DNAJB6: variants seen among roughly 807,000 people sequenced by gnomAD.
The protein encoded by DNAJB6 is DnaJ heat shock protein family (Hsp40) member B6.
In DNAJB6, 16 loss-of-function variants were observed where a neutral mutation model predicts 42.7. The ratio of observed to expected loss-of-function variants is 0.37; its 90% CI spans 0.25 to 0.57. The LOEUF (loss-of-function observed/expected upper bound fraction) is 0.57, where lower values mean the gene tolerates loss of function less well. Among genes scored for constraint, DNAJB6 ranks in the 20% least tolerant of loss-of-function variants. The pLI, the probability that DNAJB6 is intolerant of heterozygous loss-of-function variation, is 0.74. For missense variants in DNAJB6, 347 were observed against 416.8 expected, an observed-to-expected ratio of 0.83 and a Z score of 1.46; for synonymous variants, 170 against 163.5, an observed-to-expected ratio of 1.04 and a Z score of -0.30.
In DNAJB6 at chr7:157,366,569, C is replaced by A. The variant is rs377327513; in HGVS notation, c.235+8C>A. 6.2e-7 allele frequency: 1 copy of A among 1,613,180 alleles called. No homozygotes were observed. Among genetic ancestry groups the A allele is most frequent in the African/African-American group, 1.3e-5 (1 of 74,986 alleles). On this transcript the variant is annotated splice_region_variant and intron_variant, in intron 4 of 9. Transcript: ENST00000262177. ...TAAATGGTGGAGGAGGAGGTAAGTA[C>A]GTGAGTTTTTTCTTTGAAGACAAAA...
chr7:157,360,299 T>G (rs1024521431), intron 2 of DNAJB6, among the ~76,000 whole-genome samples: 1 of 152,144 alleles, frequency 6.6e-6, no homozygotes, highest in African/African-American at 2.4e-5. Context: ...TTGTGAGGCT[T>G]ATTATCAGGA....
chr7:157,396,782 A>G (rs1801605405), intron 8 of DNAJB6, among the ~76,000 whole-genome samples: 1 of 152,174 alleles, frequency 6.6e-6, no homozygotes, highest in South Asian at 2.1e-4. Context: ...AAAGGGACCC[A>G]GTTCGGGGCA....
Position 157,416,216 on chromosome 7 carries a change from G to A in DNAJB6, c.*118G>A, listed in dbSNP as rs886062130. On this transcript the variant is annotated 3_prime_UTR_variant, in exon 10 of 10. Coordinates refer to ENST00000262177, the MANE Select transcript of DNAJB6 (RefSeq NM_058246.4). Reference sequence around the variant, plus strand: ...TCAGGACTGTCTCGAGGCCACACTCGCTCGGCAGGATTATGCGATCACGGA... The same window carrying A: ...TCAGGACTGTCTCGAGGCCACACTCACTCGGCAGGATTATGCGATCACGGA... The A allele has an allele frequency of 5.5e-6, 8 of 1,465,020 alleles. No homozygotes were observed. The highest frequency in any genetic ancestry group is 2.5e-5 in the South Asian group (2 of 79,776). The allele number at this position is 1,465,020 out of a possible 1,614,324, so 90.8% of individuals were successfully genotyped here. A position where few individuals can be genotyped will look rare whatever the true frequency, so the allele number is the denominator to read the frequency against.
At chr7:157,339,679 T>G (rs1798252092) in intron 1 of DNAJB6, 1 of 144,386 alleles carries the variant, frequency 6.9e-6, no homozygotes, top group African/African-American at 2.7e-5. Context: ...CCTGCTGGAG[T>G]ATAATGGCAC....
intron 9 of DNAJB6, chr7:157,412,232 G>A (rs1240286330): frequency 4.6e-5 from 7 of 152,188 alleles, no homozygotes; most frequent in Non-Finnish European, 8.8e-5. Flanking sequence ...AAATTGCAAA[G>A]CAGGGTGGTT....
intron 8 of DNAJB6, chr7:157,386,413 C>A: frequency 1.8e-6 from 1 of 565,604 alleles, no homozygotes; most frequent in Non-Finnish European, 2.2e-6. Context: ...GGATGCCGCA[C>A]CTCAGTTACA....
intron 8 of DNAJB6, chr7:157,386,372 T>A (rs2117097665): frequency 4.2e-6 from 4 of 945,448 alleles, no homozygotes; most frequent in African/African-American, 3.5e-5. Flanking sequence ...CTAGTGTCAC[T>A]TTAATAGCGT....
chr7:157,400,639 A>G (rs1247344703), intron 8 of DNAJB6, among the ~76,000 whole-genome samples: 1 of 152,184 alleles, frequency 6.6e-6, no homozygotes, highest in Non-Finnish European at 1.5e-5. Context: ...TCTCATCACC[A>G]GGCTCACCGC....
intron 5 of DNAJB6, among the ~76,000 whole-genome samples, chr7:157,374,266 T>C (rs548599345): frequency 6.6e-6 from 1 of 152,208 alleles, no homozygotes; most frequent in South Asian, 2.1e-4. Flanking sequence ...TTTGGAAGTA[T>C]CTCATTTTTT....
chr7:157,360,776 C>T (rs117134928), intron 2 of DNAJB6, among the ~76,000 whole-genome samples: 3,239 of 152,262 alleles, frequency 0.021, 46 homozygotes, highest in East Asian at 0.055. Flanking sequence ...TCTGTGGCTG[C>T]CACCTGTTCT....
chr7:157,396,179 C>T (rs1045988614), intron 8 of DNAJB6, among the ~76,000 whole-genome samples: 2 of 152,094 alleles, frequency 1.3e-5, no homozygotes, highest in East Asian at 3.9e-4. Context: ...AAAACCCTGA[C>T]CTCAGGCAAT....
At chr7:157,387,769 T>A (rs1435465821) in intron 8 of DNAJB6, among the ~76,000 whole-genome samples, 1 of 152,018 alleles carries the variant, frequency 6.6e-6, no homozygotes, top group African/African-American at 2.4e-5. Context: ...CTAAGGAATC[T>A]TTCTTGTGAA....
chr7:157,410,832 C>G (rs1795947262), intron 9 of DNAJB6: 3 of 152,254 alleles, frequency 2.0e-5, no homozygotes. Flanking sequence ...CCGAACAGCA[C>G]TGTCTAAGCA....
At chr7:157,411,254 AC>A (rs67339638) in intron 9 of DNAJB6, 642 of 2,848 alleles carry the variant, frequency 0.23, 4 homozygotes, top group Non-Finnish European at 0.27. Context: ...GAGACTCCCC[AC>A]GGTTCCCTGC....
chr7:157,407,539 G>T (rs764175349), intron 8 of DNAJB6, among the ~76,000 whole-genome samples: 5 of 152,154 alleles, frequency 3.3e-5, no homozygotes, highest in Non-Finnish European at 7.4e-5. Context: ...GTTCTGGTTG[G>T]CCCTTTGCTG....
intron 5 of DNAJB6, chr7:157,378,893 T>C (rs1021545632): frequency 3.9e-5 from 6 of 152,328 alleles, no homozygotes; most frequent in African/African-American, 1.4e-4. Flanking sequence ...TTAAATATTA[T>C]AAATTTTGAA....
intron 5 of DNAJB6, among the ~76,000 whole-genome samples, chr7:157,369,697 A>AT (rs1402570306): frequency 1.4e-5 from 2 of 143,330 alleles, no homozygotes; most frequent in East Asian, 2.0e-4. Context: ...CAGGCCTTTC[A>AT]TAACGTTATT....
intron 7 of DNAJB6, 144 bp downstream of exon 7, chr7:157,385,152 A>C: frequency 3.5e-6 from 3 of 846,158 alleles, no homozygotes; most frequent in Non-Finnish European, 5.3e-6. Context: ...CTCCAAATTC[A>C]TTAATTAAAG....
chr7:157,375,124 G>A (rs1800406828), intron 5 of DNAJB6, among the ~76,000 whole-genome samples: 1 of 152,200 alleles, frequency 6.6e-6, no homozygotes, highest in South Asian at 2.1e-4. Context: ...CTGATACTGT[G>A]TTGGGCTTTG....
Sources: gnomAD v4.1 joint callset for allele counts (sites outside exome capture counted in the v4.1 genomes callset) on GRCh38, gnomAD v4.1.1 for gene constraint, MANE v1.5 for transcripts, NCBI Gene and HGNC (gene_info 2026-07-23, HGNC 2026-07-21) for gene names.